The following DLGAP4 variants were observed in gnomAD, a reference collection of about 807,000 sequenced individuals.
DLGAP4 encodes the protein DLG associated protein 4, also known as disks large-associated protein 4.
A neutral mutation model predicts 86.9 loss-of-function variants in DLGAP4; 18 were observed. That is an observed-to-expected ratio of 0.21 (90% CI 0.14 to 0.31). The LOEUF (loss-of-function observed/expected upper bound fraction) is 0.31, where lower values mean the gene tolerates loss of function less well. Among genes scored for constraint, DLGAP4 ranks in the 10% least tolerant of loss-of-function variants. The pLI, the probability that DLGAP4 is intolerant of heterozygous loss-of-function variation, is 1.00. For synonymous variants in DLGAP4, 548 were observed against 574.3 expected, an observed-to-expected ratio of 0.95 and a Z score of 0.65; for missense variants, 1,085 against 1,362.6, an observed-to-expected ratio of 0.80 and a Z score of 3.21.
intron 7 of DLGAP4, among the ~76,000 whole-genome samples, chr20:36,476,344 TGGA>T (rs2034923383): frequency 7.1e-6 from 1 of 140,350 alleles, no homozygotes; most frequent in African/African-American, 2.9e-5. Flanking sequence ...TTTTTTTTTT[TGGA>T]GACACAGTCT....
chr20:36,309,178 A>G (rs1180010900), intron 1 of DLGAP4, among the ~76,000 whole-genome samples: 10 of 152,150 alleles, frequency 6.6e-5, no homozygotes, highest in Non-Finnish European at 5.9e-5. Context: ...CATCGCTTCC[A>G]AAAGAAAGCC....
intron 3 of DLGAP4, among the ~76,000 whole-genome samples, chr20:36,435,557 C>G (rs1411681247): frequency 6.6e-6 from 1 of 152,188 alleles, no homozygotes; most frequent in African/African-American, 2.4e-5. Flanking sequence ...GCTACCTGAC[C>G]CGGGGAAGCA....
intron 7 of DLGAP4, among the ~76,000 whole-genome samples, chr20:36,451,869 T>C (rs1168600085): frequency 6.6e-6 from 1 of 151,812 alleles, no homozygotes; most frequent in Non-Finnish European, 1.5e-5. Context: ...CAAGTGATTC[T>C]CCTGCCTCAG....
chr20:36,478,452 A>AGCCTT (rs1474406037), intron 7 of DLGAP4, among the ~76,000 whole-genome samples: 2 of 152,174 alleles, frequency 1.3e-5, no homozygotes, highest in African/African-American at 4.8e-5. Context: ...GACAGTTCGA[A>AGCCTT]GCCTTCGGAA....
intron 10 of DLGAP4, among the ~76,000 whole-genome samples, chr20:36,517,853 CTGTT>C (rs1450559597): frequency 6.6e-6 from 1 of 152,058 alleles, no homozygotes; most frequent in Non-Finnish European, 1.5e-5. Context: ...TATCCTTGTC[CTGTT>C]GTAGTTTTAA....
intron 2 of DLGAP4, among the ~76,000 whole-genome samples, chr20:36,385,433 G>A (rs1285310170): frequency 6.6e-6 from 1 of 152,180 alleles, no homozygotes; most frequent in Non-Finnish European, 1.5e-5. Context: ...AGACCCAGAG[G>A]AGGGAAAGAC....
chr20:36,423,462 A>C (rs2032887373), intron 2 of DLGAP4, among the ~76,000 whole-genome samples: 1 of 148,618 alleles, frequency 6.7e-6, no homozygotes, highest in Admixed American at 6.7e-5. Flanking sequence ...TCTCAAAAAA[A>C]AAAAAAAAAA....
intron 2 of DLGAP4, among the ~76,000 whole-genome samples, chr20:36,400,700 A>G (rs1363919769): frequency 6.6e-6 from 1 of 151,852 alleles, no homozygotes; most frequent in Non-Finnish European, 1.5e-5. Context: ...GTTCGTATGG[A>G]AAGTGGGAGG....
At chr20:36,461,952 G>A (rs1447030925) in intron 7 of DLGAP4, 9 of 984,508 alleles carry the variant, frequency 9.1e-6, no homozygotes, top group Middle Eastern at 1.0e-3. Flanking sequence ...GCCCTTTCTG[G>A]GCGACCCCAC....
At chr20:36,511,838 G>C (rs531191823) in intron 10 of DLGAP4, among the ~76,000 whole-genome samples, 1 of 147,430 alleles carries the variant, frequency 6.8e-6, no homozygotes, top group Non-Finnish European at 1.5e-5. Flanking sequence ...TCATGCCACC[G>C]CGCTCCAGCC....
At chr20:36,396,001 G>A (rs2031936768) in intron 2 of DLGAP4, among the ~76,000 whole-genome samples, 1 of 152,092 alleles carries the variant, frequency 6.6e-6, no homozygotes, top group Non-Finnish European at 1.5e-5. Flanking sequence ...AGGCCTGCCT[G>A]GTCCCAGCTT....
chr20:36,519,525 T>C (rs1227588075), intron 10 of DLGAP4, among the ~76,000 whole-genome samples: 1 of 152,214 alleles, frequency 6.6e-6, no homozygotes, highest in Non-Finnish European at 1.5e-5. Context: ...TTCTACCTTT[T>C]GGCTACTGTG....
chr20:36,480,977 G>T (rs2035159619), intron 7 of DLGAP4, among the ~76,000 whole-genome samples: 1 of 152,124 alleles, frequency 6.6e-6, no homozygotes, highest in Non-Finnish European at 1.5e-5. Context: ...CTGCACTCCA[G>T]CCTGGATGAC....
chr20:36,452,893 C>CA (rs1252143458), intron 7 of DLGAP4, among the ~76,000 whole-genome samples: 2 of 140,246 alleles, frequency 1.4e-5, no homozygotes, highest in Non-Finnish European at 3.0e-5. Context: ...AGTGCAATGG[C>CA]ATGATCTCGG....
intron 1 of DLGAP4, among the ~76,000 whole-genome samples, chr20:36,342,926 G>A (rs1555892641): frequency 2.0e-5 from 3 of 152,158 alleles, no homozygotes; most frequent in African/African-American, 7.2e-5. Context: ...CTGGTGGTGG[G>A]AGCAGCAAGG....
At chr20:36,449,565 G>C (rs1296931865) in intron 7 of DLGAP4, among the ~76,000 whole-genome samples, 2 of 152,172 alleles carry the variant, frequency 1.3e-5, no homozygotes, top group African/African-American at 4.8e-5. Context: ...GCTCTCCCAG[G>C]CTGTCCCAGG....
intron 8 of DLGAP4, chr20:36,497,687 CG>C: frequency 1.0e-6 from 1 of 975,246 alleles, no homozygotes; most frequent in Non-Finnish European, 1.2e-6. Flanking sequence ...AGGGTCCAGG[CG>C]ATGGTTCCCC....
At chr20:36,439,908 G>A in intron 5 of DLGAP4, 40 bp downstream of exon 5, 1 of 1,554,136 alleles carries the variant, frequency 6.4e-7, no homozygotes, top group Non-Finnish European at 8.8e-7. Flanking sequence ...GGGGGCTTGG[G>A]TACTGATTCC....
chr20:36,327,813 G>T (rs1420716032), intron 1 of DLGAP4, among the ~76,000 whole-genome samples: 1 of 147,066 alleles, frequency 6.8e-6, no homozygotes, highest in Non-Finnish European at 1.5e-5. Context: ...GGATGGTCTC[G>T]ATCTCCTGAC....
Sources: gnomAD v4.1 joint callset for allele counts (sites outside exome capture counted in the v4.1 genomes callset) on GRCh38, gnomAD v4.1.1 for gene constraint, MANE v1.5 for transcripts, NCBI Gene and HGNC (gene_info 2026-07-23, HGNC 2026-07-21) for gene names.